Variants in SRP54 observed in about 807,000 individuals in gnomAD.
SRP54 encodes signal recognition particle 54, also known as signal recognition particle subunit SRP54.
In SRP54, 10 loss-of-function variants were observed where a neutral mutation model predicts 64.8. That is an observed-to-expected ratio of 0.15 (90% CI 0.10 to 0.26). The LOEUF is 0.26. Ranked by LOEUF, SRP54 falls within the 10% of genes least tolerant of loss-of-function variation. The probability of loss-of-function intolerance (pLI) is 1.00; values close to 1 mark genes in which losing one functional copy is unlikely to be tolerated. For missense variants in SRP54, 325 were observed against 613.7 expected (o/e 0.53, Z 4.97); for synonymous variants, 193 against 185.6 (o/e 1.04, Z -0.32).
chr14:34,998,834 G>A (rs1415159221), intron 2 of SRP54, among the ~76,000 whole-genome samples: 1 of 149,700 alleles, frequency 6.7e-6, no homozygotes, highest in Non-Finnish European at 1.5e-5. Context: ...AAAAAAAAAA[G>A]AAAAGCAAAT....
At chr14:35,016,446 G>C (rs1299676926) in intron 11 of SRP54, among the ~76,000 whole-genome samples, 1 of 152,122 alleles carries the variant, frequency 6.6e-6, no homozygotes, top group African/African-American at 2.4e-5. Flanking sequence ...GTACATTCCT[G>C]TCTCTCACAT....
rs1382054020 is a variant in SRP54 at position 35,027,925 on chromosome 14, T to G, written c.1328-163T>G. On this transcript the variant is annotated intron_variant, in intron 14 of 15. Transcript: ENST00000216774. The stretch of plus-strand genomic sequence containing the variant: ...AATAGTATGTAATTGAGAAAAAGAT[T>G]AGAAGGGAATATGTAGAAATAGAAA... The G allele has an allele frequency of 3.4e-5, 14 of 408,408 alleles. No individual in the cohort carries two copies. In the East Asian group the frequency reaches 4.3e-4, roughly 13 times the overall value. The allele number at this position is 408,408 out of a possible 1,614,324, so 25.3% of individuals were successfully genotyped here.
chr14:35,023,030 A>C lies in SRP54; in HGVS notation c.1277A>C (p.Lys426Thr). ...DVQELLTQYTKFAQMVKKMGG... is the reference protein window; with the variant it reads ...DVQELLTQYTTFAQMVKKMGG... ...CAAGAACTTTTGACACAATATACCA[A>C]GTTTGCACAGATGGTAAAAAAGATG... is the stretch of plus-strand genomic sequence containing the variant. Residue 426 changes from lysine (K) to threonine (T), a missense_variant, in exon 14 of 16, where the codon AAG (lysine) becomes ACG (threonine). This residue lies in a region of SRP54 where 146 missense variants were observed against 337.4 expected (regional missense o/e 0.43). Transcript: ENST00000216774. 1 of 1,613,840 alleles carries C rather than the reference A, an allele frequency of 6.2e-7. No homozygotes were observed. The highest frequency in any genetic ancestry group is 8.5e-7 in the Non-Finnish European group (1 of 1,179,876).
chr14:35,020,952 C>T (rs1227436332), intron 13 of SRP54, among the ~76,000 whole-genome samples: 1 of 152,170 alleles, frequency 6.6e-6, no homozygotes, highest in Non-Finnish European at 1.5e-5. Context: ...TTGCTTAACT[C>T]TGTCGTATTA....
chr14:35,022,964 A>C lies in SRP54; in HGVS notation c.1211A>C (p.Gln404Pro). 1 of 1,614,054 alleles carries C rather than the reference A, an allele frequency of 6.2e-7. No individual in the cohort carries two copies. Among genetic ancestry groups the C allele is most frequent in the Non-Finnish European group, 8.5e-7 (1 of 1,179,974 alleles). ...KVFSKQPGRI[Q>P]RVARGSGVST... ...TTTAGTAAACAACCAGGAAGAATCC[A>C]AAGAGTAGCAAGAGGATCGGGTGTA... Residue 404 changes from glutamine (Q) to proline (P), a missense_variant, in exon 14 of 16, where the codon CAA becomes CCA. Physicochemically the swap from Gln to Pro is moderately conservative, Grantham distance 76. Coordinates refer to ENST00000216774, the MANE Select transcript of SRP54 (RefSeq NM_003136.4).
intron 3 of SRP54, 172 bp downstream of exon 3, chr14:34,999,821 A>G (rs1393215558): frequency 6.6e-6 from 3 of 457,936 alleles, no homozygotes; most frequent in Middle Eastern, 4.2e-4. Context: ...ACGTTTCCAT[A>G]ATGATGGTTC....
At chr14:35,016,293 A>T (rs1206609903) in intron 11 of SRP54, among the ~76,000 whole-genome samples, 1 of 152,226 alleles carries the variant, frequency 6.6e-6, no homozygotes, top group Non-Finnish European at 1.5e-5. Flanking sequence ...TTTTCTTAAA[A>T]TTCTTTAGTG....
chr14:34,990,052 G>A (rs541709783), intron 1 of SRP54, among the ~76,000 whole-genome samples: 1 of 152,272 alleles, frequency 6.6e-6, no homozygotes, highest in East Asian at 1.9e-4. Flanking sequence ...ACTGCAGCAA[G>A]TAAGTGTGAT....
chr14:35,010,290 A>G (rs2044334858), intron 7 of SRP54, among the ~76,000 whole-genome samples: 1 of 152,042 alleles, frequency 6.6e-6, no homozygotes, highest in Admixed American at 6.6e-5. Context: ...TCTACTAAAA[A>G]TACAAAATAA....
intron 14 of SRP54, among the ~76,000 whole-genome samples, chr14:35,026,985 ATC>A (rs936953286): frequency 4.0e-5 from 6 of 150,800 alleles, no homozygotes; most frequent in African/African-American, 1.5e-4. Flanking sequence ...ATACATACAC[ATC>A]TTCACGTTCT....
At chr14:35,015,785 A>G (rs1372026975) in intron 11 of SRP54, among the ~76,000 whole-genome samples, 2 of 152,176 alleles carry the variant, frequency 1.3e-5, no homozygotes, top group African/African-American at 2.4e-5. Context: ...TCATCTTACC[A>G]GATAATTGTG....
chr14:35,018,652 C>A, intron 11 of SRP54, 40 bp from the exon 12 acceptor site: 1 of 1,498,752 alleles, frequency 6.7e-7, no homozygotes, highest in Non-Finnish European at 9.2e-7. Context: ...TGGAAATGTA[C>A]ATACTTTAAT....
At chr14:35,003,527 A>G (rs920212633) in intron 4 of SRP54, among the ~76,000 whole-genome samples, 1 of 149,774 alleles carries the variant, frequency 6.7e-6, no homozygotes, top group Non-Finnish European at 1.5e-5. Context: ...GGCATGCACC[A>G]CCATGTTTTT....
At chr14:34,991,326 C>T (rs2043974695) in intron 1 of SRP54, among the ~76,000 whole-genome samples, 1 of 151,608 alleles carries the variant, frequency 6.6e-6, no homozygotes, top group South Asian at 2.1e-4. Flanking sequence ...GATGGGGTTT[C>T]ACCATGTTGG....
At chr14:35,025,488 C>A (rs1323392394) in intron 14 of SRP54, among the ~76,000 whole-genome samples, 1 of 152,112 alleles carries the variant, frequency 6.6e-6, no homozygotes, top group East Asian at 1.9e-4. Flanking sequence ...ACTGTAATGT[C>A]TTTCCCATGT....
In SRP54 at chr14:34,998,098, C is replaced by T. The variant is rs368735148; in HGVS notation, c.78+1311C>T. On this transcript the variant is annotated intron_variant, in intron 2 of 15. Coordinates refer to ENST00000216774, the MANE Select transcript of SRP54 (RefSeq NM_003136.4). Reference sequence around the variant, plus strand: ...AGATCAGTTCGAATTTTAGCAGACCCGTTTAATGAGGGATAGAGAAAACTG... The same window carrying T: ...AGATCAGTTCGAATTTTAGCAGACCTGTTTAATGAGGGATAGAGAAAACTG... 8.7e-4 allele frequency among the ~76,000 whole-genome samples: 132 copies of T among 151,814 alleles called. 1 individual carries two copies. Among genetic ancestry groups the T allele is most frequent in the African/African-American group, 3.0e-3 (125 of 41,412 alleles).
At chr14:35,005,140 T>G (rs1231368094) in intron 4 of SRP54, among the ~76,000 whole-genome samples, 4 of 152,172 alleles carry the variant, frequency 2.6e-5, no homozygotes, top group South Asian at 2.1e-4. Context: ...AAAACCAGTC[T>G]GGGCAACATA....
intron 2 of SRP54, among the ~76,000 whole-genome samples, chr14:34,998,973 ATG>A (rs34646567): frequency 0.096 from 6,096 of 63,482 alleles, 348 homozygotes; most frequent in Non-Finnish European, 0.14. Context: ...CTTTGTGTGT[ATG>A]TGTGTGTGTG....
chr14:35,020,117 G>A lies in SRP54; in HGVS notation c.1156+1043G>A, dbSNP rs189923794. ...GGAGAATCGCTTGAACCCGGGAGGC[G>A]GAGGTTGCAGTGAGCCGAGATTGTG... On this transcript the variant is annotated intron_variant, in intron 13 of 15. Coordinates refer to ENST00000216774, the MANE Select transcript of SRP54 (RefSeq NM_003136.4). Among the ~76,000 whole-genome samples, 674 of 152,268 alleles carry A rather than the reference G, an allele frequency of 4.4e-3. 3 individuals are homozygous for A. Among genetic ancestry groups the A allele is most frequent in the Admixed American group, 6.3e-3 (96 of 15,294 alleles).
Sources: gnomAD v4.1 joint callset for allele counts (sites outside exome capture counted in the v4.1 genomes callset) on GRCh38, gnomAD v4.1.1 for gene constraint, gnomAD v4.1.1 regional missense constraint, MANE v1.5 for transcripts, NCBI Gene and HGNC (gene_info 2026-07-23, HGNC 2026-07-21) for gene names.